The following NVL variants were observed in gnomAD, a reference collection of about 807,000 sequenced individuals.
The protein encoded by NVL is nuclear valosin-containing protein-like.
In NVL, 84 loss-of-function variants were observed where a neutral mutation model predicts 110.2. The ratio of observed to expected loss-of-function variants is 0.76; its 90% confidence interval spans 0.64 to 0.91. NVL has a LOEUF of 0.91. Ranked by LOEUF, NVL falls within the 40% of genes least tolerant of loss-of-function variation. The probability of loss-of-function intolerance (pLI) is 0.00; values close to 1 mark genes in which losing one functional copy is unlikely to be tolerated. For synonymous variants in NVL, 354 were observed against 361.1 expected (o/e 0.98, Z 0.22); for missense variants, 882 against 1,035.9 (o/e 0.85, Z 2.04).
rs757074799 is a variant in NVL, at chr1:224,300,578, A to C, written c.1046T>G (p.Leu349Arg). ...CTGACTCACCACAGCTTGCTCAAAT[A>C]GTTCTCTCAGCTTCTGCTCAGACTC... ...SGESEQKLRE[L>R]FEQAVSNAPC... The change falls in exon 10 of 23, where the codon CTA becomes CGA. Residue 349 changes from leucine to arginine, a missense_variant. This residue lies in a region of NVL where 416 missense variants were observed against 499.3 expected (regional missense o/e 0.83). Transcript: ENST00000281701. The C allele has an allele frequency of 1.2e-6, 2 of 1,613,648 alleles. No individual in the cohort carries two copies. Among genetic ancestry groups the C allele is most frequent in the South Asian group, 2.2e-5 (2 of 91,044 alleles).
intron 19 of NVL, among the ~76,000 whole-genome samples, chr1:224,246,937 G>T (rs1187260040): frequency 6.6e-6 from 1 of 151,940 alleles, no homozygotes; most frequent in Non-Finnish European, 1.5e-5. Flanking sequence ...GCTGCGTGGG[G>T]AGGCTGAAGT....
At position 224,322,691 on chromosome 1, in the gene NVL, T is replaced by C. The variant is rs567656328; in HGVS notation, c.131+3700A>G. Among the ~76,000 whole-genome samples, 6 of 152,298 alleles carry C rather than the reference T, an allele frequency of 3.9e-5. No individual in the cohort carries two copies. The East Asian group carries it at 7.7e-4, about 20-fold the overall frequency. ...GGACACCGCAGGGCGTGGTGGCTCA[T>C]GCCTATAATCCTAGCATGTTGGGAG... is the stretch of plus-strand genomic sequence containing the variant. On this transcript the variant is annotated intron_variant, in intron 2 of 22. Coordinates refer to ENST00000281701, the MANE Select transcript of NVL (RefSeq NM_002533.4).
intron 19 of NVL, among the ~76,000 whole-genome samples, chr1:224,247,737 C>T (rs1662021306): frequency 6.6e-6 from 1 of 152,074 alleles, no homozygotes; most frequent in African/African-American, 2.4e-5. Context: ...TCTCCAACTC[C>T]TAGTCTCAAG....
rs1049958217 is a variant in NVL, at chr1:224,273,060, CAAAA to C, written c.2082+2275_2082+2278del. 3.2e-4 allele frequency among the ~76,000 whole-genome samples: 38 copies of C among 119,352 alleles called. 1 individual carries two copies. The highest frequency in any genetic ancestry group is 5.8e-4 in the Non-Finnish European group (33 of 56,856). 78.3% of individuals were successfully genotyped at this position (119,352 alleles called of 152,430 possible). A position where few individuals can be genotyped will look rare whatever the true frequency, so the allele number is the denominator to read the frequency against. ...AAAAAAAACAAAAAAAACAAACAAA[CAAAA>C]AAAAACACAACAAAAACACAAGAAA... is the stretch of plus-strand genomic sequence containing the variant. On this transcript the variant is annotated intron_variant, in intron 17 of 22. Transcript: ENST00000281701.
At chr1:224,282,993 A>C (rs1462713102) in intron 15 of NVL, among the ~76,000 whole-genome samples, 1 of 152,174 alleles carries the variant, frequency 6.6e-6, no homozygotes, top group African/African-American at 2.4e-5. Flanking sequence ...TCTGCCATTC[A>C]AGGACATTTT....
At chr1:224,281,239 CAAT>C (rs953511431) in intron 15 of NVL, 54 bp from the exon 16 acceptor site, 5 of 1,361,594 alleles carry the variant, frequency 3.7e-6, no homozygotes, top group African/African-American at 1.4e-5. Flanking sequence ...GTAATAATAA[CAAT>C]AATAATGATG....
At chr1:224,259,523 T>TA (rs1218809964) in intron 18 of NVL, among the ~76,000 whole-genome samples, 1 of 152,176 alleles carries the variant, frequency 6.6e-6, no homozygotes, top group Non-Finnish European at 1.5e-5. Flanking sequence ...TAAAGCTTTT[T>TA]AAAAAAATGA....
At chr1:224,228,924 CAAA>C (rs368485856) in intron 22 of NVL, among the ~76,000 whole-genome samples, 6 of 81,686 alleles carry the variant, frequency 7.3e-5, no homozygotes, top group Admixed American at 1.8e-4. Context: ...GACTCCGTCT[CAAA>C]AAAAAAAAAA....
rs1670231065 is a variant in NVL, at chr1:224,317,725, T to C, written c.253A>G (p.Lys85Glu). 2 of 1,608,442 alleles carry C rather than the reference T, an allele frequency of 1.2e-6. No homozygotes were observed. Among genetic ancestry groups the C allele is most frequent in the East Asian group, 4.5e-5 (2 of 44,800 alleles). ...TCCTCTTCACCTTGTCTTGCCCTTT[T>C]TGCCAAATGTTCATCTTCTAATTCT... Reference protein sequence around the residue: ...LTELEDEHLAKRARQGEEDNE... With the variant: ...LTELEDEHLAERARQGEEDNE... Residue 85 changes from lysine to glutamate, a missense_variant, in exon 4 of 23, where the codon AAA becomes GAA. Lys to Glu is a moderately conservative substitution (Grantham distance 56, BLOSUM62 1). Around this residue, in one of 4 missense-constraint regions of NVL, gnomAD observed 274 missense variants for 268.4 expected, o/e 1.02. Coordinates refer to ENST00000281701, the MANE Select transcript of NVL (RefSeq NM_002533.4).
At chr1:224,260,625 A>G (rs1008578423) in intron 18 of NVL, among the ~76,000 whole-genome samples, 2 of 152,150 alleles carry the variant, frequency 1.3e-5, no homozygotes, top group Admixed American at 1.3e-4. Context: ...TCAGATATAA[A>G]AGTGCAGAAT....
intron 18 of NVL, among the ~76,000 whole-genome samples, chr1:224,254,579 T>TG (rs1020629670): frequency 1.4e-5 from 2 of 145,306 alleles, no homozygotes; most frequent in African/African-American, 5.0e-5. Flanking sequence ...TTTGTTTTTT[T>TG]TTTTTTTGTA....
At chr1:224,270,365 T>A (rs1664962165) in intron 17 of NVL, among the ~76,000 whole-genome samples, 1 of 152,112 alleles carries the variant, frequency 6.6e-6, no homozygotes, top group South Asian at 2.1e-4. Context: ...AAGACCAGCC[T>A]GGCCAACATG....
At chr1:224,238,636 A>C (rs1324521122) in intron 19 of NVL, among the ~76,000 whole-genome samples, 1 of 152,206 alleles carries the variant, frequency 6.6e-6, no homozygotes, top group East Asian at 1.9e-4. Context: ...TCTTAGGCAA[A>C]CAATCTTGTG....
At position 224,307,979 on chromosome 1, in the gene NVL, T is replaced by C; in HGVS notation, c.615+12A>G. The C allele has an allele frequency of 6.6e-7, 1 of 1,509,914 alleles. No homozygotes were observed. Among genetic ancestry groups the C allele is most frequent in the Non-Finnish European group, 8.8e-7 (1 of 1,131,576 alleles). The allele number at this position is 1,509,914 out of a possible 1,614,324, so 93.5% of individuals were successfully genotyped here. ...TCGATGATATGGGGCTAAAATTTCATTACAAAAATACCTGTATCTCAGTTA... is the reference window on the plus strand; with the variant it reads ...TCGATGATATGGGGCTAAAATTTCACTACAAAAATACCTGTATCTCAGTTA... On this transcript the variant is annotated intron_variant, in intron 6 of 22. Coordinates refer to ENST00000281701, the MANE Select transcript of NVL (RefSeq NM_002533.4).
At position 224,294,310 on chromosome 1, in the gene NVL, G is replaced by A. The variant is rs754458829; in HGVS notation, c.1282C>T (p.Arg428Ter). Residue 428 changes from arginine (R) to a stop codon, truncating the protein, a stop_gained, in exon 12 of 23, where the codon CGA becomes TGA. Transcript: ENST00000281701. LOFTEE classifies it high-confidence loss of function. ...TCTGGGATACCTAGGCATATTTCTCGGTCGAACCTTCCCGCACGTCTCAAA... is the reference window on the plus strand; with the variant it reads ...TCTGGGATACCTAGGCATATTTCTCAGTCGAACCTTCCCGCACGTCTCAAA... Reference protein sequence around the residue: ...PALRRAGRFDREICLGIPDEA... With the variant: ...PALRRAGRFD 7 of 1,613,890 alleles carry A rather than the reference G, an allele frequency of 4.3e-6. No individual in the cohort carries two copies. Among genetic ancestry groups the A allele is most frequent in the South Asian group, 2.2e-5 (2 of 91,074 alleles).
chr1:224,286,381 T>C (rs1335089091), intron 14 of NVL, among the ~76,000 whole-genome samples: 1 of 152,030 alleles, frequency 6.6e-6, no homozygotes, highest in East Asian at 1.9e-4. Context: ...AATTTTTGTA[T>C]TTTTAGTAGA....
At chr1:224,307,193 T>C (rs571721886) in intron 6 of NVL, among the ~76,000 whole-genome samples, 2 of 152,342 alleles carry the variant, frequency 1.3e-5, no homozygotes, top group South Asian at 4.1e-4. Flanking sequence ...TTTAAGTTAA[T>C]AGCACATCTC....
At chr1:224,295,065 A>G (rs1667744888) in intron 11 of NVL, among the ~76,000 whole-genome samples, 1 of 152,244 alleles carries the variant, frequency 6.6e-6, no homozygotes, top group African/African-American at 2.4e-5. Context: ...CTTAAATCTT[A>G]TCTTTCCTAA....
chr1:224,319,457 G>A (rs1482435276), intron 2 of NVL, among the ~76,000 whole-genome samples: 1 of 151,838 alleles, frequency 6.6e-6, no homozygotes, highest in Admixed American at 6.6e-5. Flanking sequence ...ACAGGCGCCT[G>A]CCACCACACC....
Sources: gnomAD v4.1 joint callset for allele counts (sites outside exome capture counted in the v4.1 genomes callset) on GRCh38, gnomAD v4.1.1 for gene constraint, gnomAD v4.1.1 regional missense constraint, MANE v1.5 for transcripts, NCBI Gene and HGNC (gene_info 2026-07-23, HGNC 2026-07-21) for gene names.